Variants in PCBP2 observed in about 807,000 individuals in gnomAD.
PCBP2 encodes poly(rC) binding protein 2.
PCBP2 carries 4 observed loss-of-function variants against 50.1 expected under a neutral mutation model. The ratio of observed to expected loss-of-function variants is 0.08; its 90% CI spans 0.04 to 0.18. The LOEUF (loss-of-function observed/expected upper bound fraction) is 0.18, where lower values mean the gene tolerates loss of function less well. Ranked by LOEUF, PCBP2 falls within the 10% of genes least tolerant of loss-of-function variation. The probability of loss-of-function intolerance (pLI) is 1.00; values close to 1 mark genes in which losing one functional copy is unlikely to be tolerated. For missense variants in PCBP2, 161 were observed against 474.3 expected (o/e 0.34, Z 6.14); for synonymous variants, 179 against 168.0 (o/e 1.07, Z -0.51).
In PCBP2 at chr12:53,481,135, A is replaced by G. The variant is rs764748536; in HGVS notation, c.*1693A>G. ...TATATATATATATATGTATATATAT[A>G]TAATTTATATAAATATTTCTCTATG... On this transcript the variant is annotated 3_prime_UTR_variant, in exon 15 of 15. Coordinates refer to ENST00000546463, the MANE Select transcript of PCBP2 (RefSeq NM_031989.5). 5 of 755,174 alleles carry G rather than the reference A, an allele frequency of 6.6e-6. No homozygotes were observed. Among genetic ancestry groups the G allele is most frequent in the African/African-American group, 3.8e-5 (2 of 53,178 alleles). The allele number at this position is 755,174 out of a possible 1,614,324, so 46.8% of individuals were successfully genotyped here.
chr12:53,458,213 C>T (rs1941183910), intron 5 of PCBP2, among the ~76,000 whole-genome samples: 1 of 152,112 alleles, frequency 6.6e-6, no homozygotes, highest in Non-Finnish European at 1.5e-5. Flanking sequence ...CAGGCCTGAG[C>T]CACCGTGCCC....
intron 12 of PCBP2, chr12:53,468,186 G>T (rs1941951464): frequency 8.3e-6 from 2 of 240,940 alleles, no homozygotes; most frequent in Non-Finnish European, 1.6e-5. Flanking sequence ...ATGAAAGCCA[G>T]AACAAAATTA....
intron 6 of PCBP2, chr12:53,459,782 C>T (rs1941312311): frequency 2.6e-6 from 1 of 384,722 alleles, no homozygotes; most frequent in Middle Eastern, 3.7e-4. Context: ...TTGACACGGT[C>T]TCACTCTGTC....
chr12:53,468,174 AAATG>A (rs1436212187), intron 12 of PCBP2: 11 of 253,162 alleles, frequency 4.3e-5, no homozygotes, highest in Non-Finnish European at 6.8e-5. Context: ...TTGGAAAACA[AAATG>A]AAAGCCAGAA....
chr12:53,455,399 A>G (rs1338805595), intron 3 of PCBP2, 29 bp downstream of exon 3: 3 of 1,613,812 alleles, frequency 1.9e-6, no homozygotes, highest in Non-Finnish European at 2.5e-6. Context: ...AACTTCAATT[A>G]CCATTTAGTA....
In PCBP2 at chr12:53,480,678, A is replaced by G. The variant is rs1942990847; in HGVS notation, c.*1236A>G. The G allele has an allele frequency of 6.6e-6, 1 of 152,472 alleles. No individual in the cohort carries two copies. Among genetic ancestry groups the G allele is most frequent in the Non-Finnish European group, 1.5e-5 (1 of 68,018 alleles). 9.4% of individuals were successfully genotyped at this position (152,472 alleles called of 1,614,324 possible). ...GCCTTAAGACAGGGCTTGGGCAGAGAAGATAAATGGTGGGACAAAAAAATG... is the reference window on the plus strand; with the variant it reads ...GCCTTAAGACAGGGCTTGGGCAGAGGAGATAAATGGTGGGACAAAAAAATG... On this transcript the variant is annotated 3_prime_UTR_variant, in exon 15 of 15. Transcript: ENST00000546463.
chr12:53,467,851 TTAAA>T lies in PCBP2; in HGVS notation c.826+9_826+12del. On this transcript the variant is annotated intron_variant, in intron 12 of 14. Transcript: ENST00000546463. ...AGGTGAAAGGCTATTGGGGTAATGA[TTAAA>T]AAAAAAAAAATCTGTAGTATTCTAC... 6.3e-7 allele frequency: 1 copy of T among 1,594,770 alleles called. No homozygotes were observed. Among genetic ancestry groups the T allele is most frequent in the Non-Finnish European group, 8.6e-7 (1 of 1,166,274 alleles).
intron 8 of PCBP2, 90 bp from the exon 9 acceptor site, chr12:53,464,670 A>T: frequency 2.0e-6 from 3 of 1,528,258 alleles, no homozygotes; most frequent in Non-Finnish European, 2.6e-6. Flanking sequence ...AAAGGAAAAA[A>T]ATAAACAACT....
chr12:53,462,680 C>G lies in PCBP2; in HGVS notation c.579+113C>G, dbSNP rs528968386. The G allele has an allele frequency of 9.9e-5, 72 of 727,684 alleles. 1 individual carries two copies. The East Asian group carries it at 1.8e-3, about 19-fold the overall frequency. The allele number at this position is 727,684 out of a possible 1,614,324, so 45.1% of individuals were successfully genotyped here. On this transcript the variant is annotated intron_variant, in intron 8 of 14. Coordinates refer to ENST00000546463, the MANE Select transcript of PCBP2 (RefSeq NM_031989.5). ...ATGCTTGCTGAAACCTATACTCTGG[C>G]CATAGTTTGACCGGCTTTTAGTTTT...
At chr12:53,453,167 C>G (rs1248009149) in intron 1 of PCBP2, 2 of 149,134 alleles carry the variant, frequency 1.3e-5, no homozygotes, top group African/African-American at 2.5e-5. Context: ...CATCTTTGTA[C>G]TTTACCTCAA....
At position 53,455,375 on chromosome 12, in the gene PCBP2, GAC is replaced by G. The variant is rs1940928464; in HGVS notation, c.93+7_93+8del. 1 of 1,613,974 alleles carries G rather than the reference GAC, an allele frequency of 6.2e-7. No individual in the cohort carries two copies. Among genetic ancestry groups the G allele is most frequent in the Non-Finnish European group, 8.5e-7 (1 of 1,179,976 alleles). Reference sequence around the variant, plus strand: ...GTTGGCAGTATCATCGGAAAGGTAAGACAATTTCACTTCAACTTCAATTACCA... The same window carrying G: ...GTTGGCAGTATCATCGGAAAGGTAAGAATTTCACTTCAACTTCAATTACCA... On this transcript the variant is annotated splice_donor_region_variant and intron_variant, in intron 3 of 14. Coordinates refer to ENST00000546463, the MANE Select transcript of PCBP2 (RefSeq NM_031989.5).
At chr12:53,454,381 T>A (rs967142277) in intron 1 of PCBP2, 1 of 163,724 alleles carries the variant, frequency 6.1e-6, no homozygotes, top group Non-Finnish European at 1.3e-5. Context: ...ACTCATGATT[T>A]CCAGGTGTTT....
chr12:53,459,961 G>A, intron 6 of PCBP2: 1 of 427,974 alleles, frequency 2.3e-6, no homozygotes, highest in Non-Finnish European at 4.8e-6. Flanking sequence ...GTTTTGCCAT[G>A]TGGCCCAGGC....
chr12:53,473,179 G>A lies in PCBP2; in HGVS notation c.1052+1372G>A, dbSNP rs568497617. On this transcript the variant is annotated intron_variant, in intron 14 of 14. Coordinates refer to ENST00000546463, the MANE Select transcript of PCBP2 (RefSeq NM_031989.5). ...GCTCACTGCAACCTCTGCCTCCTGGGCTCAAGTGATTCTCCTGCCTCAGCC... is the reference window on the plus strand; with the variant it reads ...GCTCACTGCAACCTCTGCCTCCTGGACTCAAGTGATTCTCCTGCCTCAGCC... 1.3e-4 allele frequency among the ~76,000 whole-genome samples: 19 copies of A among 151,996 alleles called. No individual in the cohort carries two copies. The South Asian group carries it at 4.0e-3, about 32-fold the overall frequency.
At chr12:53,458,290 CGTTTTTGTTTTT>C (rs952421873) in intron 5 of PCBP2, among the ~76,000 whole-genome samples, 3 of 133,258 alleles carry the variant, frequency 2.3e-5, no homozygotes, top group Non-Finnish European at 3.5e-5. Flanking sequence ...TTATATCTTT[CGTTTTTGTTTTT>C]GTTTTTGTTT....
chr12:53,459,932 AT>A (rs149906146), intron 6 of PCBP2: 2 of 443,618 alleles, frequency 4.5e-6, no homozygotes, highest in Non-Finnish European at 9.1e-6. Context: ...AAATTTTTGT[AT>A]TTTTTTGTAA....
intron 14 of PCBP2, among the ~76,000 whole-genome samples, chr12:53,473,969 CT>C (rs1942405331): frequency 6.6e-6 from 1 of 152,128 alleles, no homozygotes; most frequent in African/African-American, 2.4e-5. Flanking sequence ...CCTTTCTGCT[CT>C]TGAAGACTTA....
intron 13 of PCBP2, 62 bp downstream of exon 13, chr12:53,468,894 C>A: frequency 2.8e-6 from 3 of 1,066,576 alleles, no homozygotes; most frequent in South Asian, 1.3e-5. Flanking sequence ...AAATAGATGT[C>A]GTTTCAGCAG....
chr12:53,457,028 T>C (rs1941077333), intron 5 of PCBP2, among the ~76,000 whole-genome samples: 1 of 152,174 alleles, frequency 6.6e-6, no homozygotes, highest in Admixed American at 6.5e-5. Context: ...CTTGAACTAG[T>C]TCTTTTTTAT....
Sources: allele counts gnomAD v4.1 joint callset (sites outside exome capture counted in the v4.1 genomes callset), GRCh38; gene constraint gnomAD v4.1.1; transcripts MANE v1.5; gene names NCBI Gene and HGNC (gene_info 2026-07-23, HGNC 2026-07-21).